FAM78B: variants seen among roughly 807,000 people sequenced by gnomAD.
The protein encoded by FAM78B is family with sequence similarity 78 member B.
A neutral mutation model predicts 20.0 loss-of-function variants in FAM78B; 10 were observed. The observed-to-expected ratio is 0.50, with a 90% CI of 0.31 to 0.85. The LOEUF (loss-of-function observed/expected upper bound fraction) is 0.85. Ranked by LOEUF, FAM78B falls within the 40% of genes least tolerant of loss-of-function variation. The probability of loss-of-function intolerance (pLI) is 0.05; values close to 1 mark genes in which losing one functional copy is unlikely to be tolerated. For missense variants in FAM78B, 283 were observed against 345.0 expected, an observed-to-expected ratio of 0.82 and a Z score of 1.42; for synonymous variants, 135 against 132.8, an observed-to-expected ratio of 1.02 and a Z score of -0.12.
chr1:166,119,479 G>T (rs539541933), intron 1 of FAM78B, among the ~76,000 whole-genome samples: 76 of 152,262 alleles, frequency 5.0e-4, no homozygotes, highest in Non-Finnish European at 8.7e-4. Flanking sequence ...CCCACATCGG[G>T]CCTCCGCTTT....
At chr1:166,079,121 T>TG (rs1428624667) in intron 1 of FAM78B, among the ~76,000 whole-genome samples, 5 of 151,988 alleles carry the variant, frequency 3.3e-5, no homozygotes, top group African/African-American at 1.2e-4. Flanking sequence ...TTAAAAGAGA[T>TG]GGAGTCTTGC....
intron 1 of FAM78B, among the ~76,000 whole-genome samples, chr1:166,125,689 C>T (rs989786445): frequency 2.6e-5 from 4 of 152,180 alleles, no homozygotes; most frequent in Non-Finnish European, 5.9e-5. Flanking sequence ...ACAGTATCTG[C>T]ATATAACCTA....
chr1:166,084,233 ACACACTCT>A (rs1179654292), intron 1 of FAM78B, among the ~76,000 whole-genome samples: 1 of 123,556 alleles, frequency 8.1e-6, no homozygotes, highest in Non-Finnish European at 1.8e-5. Flanking sequence ...ACACACACAC[ACACACTCT>A]CTCTCTCTCT....
At chr1:166,087,219 C>T (rs1652870309) in intron 1 of FAM78B, 1 of 152,206 alleles carries the variant, frequency 6.6e-6, no homozygotes, top group African/African-American at 2.4e-5. Context: ...GCGCCCGCCA[C>T]CATGCCGGCT....
chr1:166,080,236 T>C (rs1025743054), intron 1 of FAM78B, among the ~76,000 whole-genome samples: 1 of 152,200 alleles, frequency 6.6e-6, no homozygotes, highest in African/African-American at 2.4e-5. Context: ...GCTATGACCA[T>C]GCCAGTTGTT....
intron 1 of FAM78B, among the ~76,000 whole-genome samples, chr1:166,134,001 A>G (rs978748902): frequency 2.6e-5 from 4 of 152,192 alleles, no homozygotes; most frequent in African/African-American, 9.7e-5. Flanking sequence ...TGAGTGACTG[A>G]GCCCAGACCT....
At chr1:166,099,277 C>T (rs934593519) in intron 1 of FAM78B, among the ~76,000 whole-genome samples, 27 of 152,288 alleles carry the variant, frequency 1.8e-4, no homozygotes, top group African/African-American at 6.5e-4. Flanking sequence ...TCTAGAAAGA[C>T]ATCAAAACAG....
At chr1:166,072,620 C>T (rs1201681387) in intron 1 of FAM78B, among the ~76,000 whole-genome samples, 1 of 152,156 alleles carries the variant, frequency 6.6e-6, no homozygotes, top group African/African-American at 2.4e-5. Flanking sequence ...GGTTTCATGC[C>T]CCCAAGCAAA....
rs547944297 is a variant in FAM78B, at chr1:166,112,937, A to G, written c.264-42174T>C. Reference sequence around the variant, plus strand: ...AGTTGAGAAATACACTCATGTCTATATTATTGGGAAATCCACTTAAAGTGC... The same window carrying G: ...AGTTGAGAAATACACTCATGTCTATGTTATTGGGAAATCCACTTAAAGTGC... On this transcript the variant is annotated intron_variant, in intron 1 of 1. Transcript: ENST00000354422. Among the ~76,000 whole-genome samples the G allele has an allele frequency of 1.1e-4, 17 of 152,368 alleles. No homozygotes were observed. The South Asian group carries it at 3.5e-3, about 32-fold the overall frequency.
At chr1:166,094,353 A>G (rs939271553) in intron 1 of FAM78B, among the ~76,000 whole-genome samples, 30 of 152,172 alleles carry the variant, frequency 2.0e-4, no homozygotes, top group African/African-American at 6.3e-4. Context: ...TATAAAGAGA[A>G]TCTGTGTCCC....
At position 166,070,564 on chromosome 1, in the gene FAM78B, T is replaced by TGTC; in HGVS notation, c.460_462dup (p.Asp154dup). On this transcript the variant is annotated inframe_insertion, in exon 2 of 2. Transcript: ENST00000354422. ...ATTCTTGTGAGCAGTGGCACATTGC[T>TGTC]GTCACTCACAGGCACTGCCCATGTC... 1 of 1,613,922 alleles carries TGTC rather than the reference T, an allele frequency of 6.2e-7. No individual in the cohort carries two copies. Among genetic ancestry groups the TGTC allele is most frequent in the African/African-American group, 1.3e-5 (1 of 75,060 alleles).
intron 1 of FAM78B, among the ~76,000 whole-genome samples, chr1:166,109,890 G>GTATATATATATATA (rs1200752162): frequency 4.3e-5 from 1 of 23,194 alleles, no homozygotes. Context: ...ATGTATATAT[G>GTATATATATATATA]TATATATATA....
At chr1:166,118,056 C>T (rs767196900) in intron 1 of FAM78B, among the ~76,000 whole-genome samples, 65 of 152,112 alleles carry the variant, frequency 4.3e-4, no homozygotes, top group Non-Finnish European at 7.9e-4. Context: ...TGTAAGAGAA[C>T]CACAGCTCCA....
intron 1 of FAM78B, among the ~76,000 whole-genome samples, chr1:166,150,466 C>T (rs1421305553): frequency 6.6e-6 from 1 of 152,162 alleles, no homozygotes; most frequent in African/African-American, 2.4e-5. Context: ...TCCTGAAAAA[C>T]TCCTACATTG....
At position 166,073,236 on chromosome 1, in the gene FAM78B, T is replaced by G. The variant is rs186817666; in HGVS notation, c.264-2473A>C. Among the ~76,000 whole-genome samples the G allele has an allele frequency of 1.9e-3, 296 of 152,196 alleles. 1 individual carries two copies. The highest frequency in any genetic ancestry group is 6.6e-3 in the African/African-American group (275 of 41,510). On this transcript the variant is annotated intron_variant, in intron 1 of 1. Coordinates refer to ENST00000354422, the MANE Select transcript of FAM78B (RefSeq NM_001017961.5). ...TCATTGGGAATAGTGACATTGGAGGTTACACTTTAGTTCCATCCACACTGT... is the reference window on the plus strand; with the variant it reads ...TCATTGGGAATAGTGACATTGGAGGGTACACTTTAGTTCCATCCACACTGT...
intron 1 of FAM78B, among the ~76,000 whole-genome samples, chr1:166,139,461 T>C (rs1655196056): frequency 6.6e-6 from 1 of 152,084 alleles, no homozygotes; most frequent in Admixed American, 6.5e-5. Context: ...ACTTGATACT[T>C]ACAGTCTAGT....
chr1:166,065,139 C>G (rs1651751168), downstream of FAM78B, among the ~76,000 whole-genome samples: 1 of 152,196 alleles, frequency 6.6e-6, no homozygotes, highest in Non-Finnish European at 1.5e-5. Flanking sequence ...GTCAGCCCTG[C>G]CTGATAAACA....
At chr1:166,097,218 C>A (rs1483948285) in intron 1 of FAM78B, among the ~76,000 whole-genome samples, 2 of 152,216 alleles carry the variant, frequency 1.3e-5, no homozygotes, top group Admixed American at 1.3e-4. Context: ...GCCCTGGGAG[C>A]TTGCTGGGTC....
At chr1:166,086,457 C>A (rs1652833777) in intron 1 of FAM78B, among the ~76,000 whole-genome samples, 2 of 152,032 alleles carry the variant, frequency 1.3e-5, no homozygotes, top group Non-Finnish European at 2.9e-5. Context: ...CCAGTTTCCA[C>A]CAAATAATGC....
Sources: allele counts gnomAD v4.1 joint callset (sites outside exome capture counted in the v4.1 genomes callset), GRCh38; gene constraint gnomAD v4.1.1; transcripts MANE v1.5; gene names NCBI Gene and HGNC (gene_info 2026-07-23, HGNC 2026-07-21).